The following NLRP5 variants were observed in gnomAD, a reference collection of about 807,000 sequenced individuals.
The protein encoded by NLRP5 is NACHT, LRR and PYD domains-containing protein 5.
A neutral mutation model predicts 113.1 loss-of-function variants in NLRP5; 93 were observed. The ratio of observed to expected loss-of-function variants is 0.82; its 90% CI spans 0.70 to 0.98. The LOEUF is 0.98. Ranked by LOEUF, NLRP5 falls within the 50% of genes least tolerant of loss-of-function variation. The pLI is 0.00. For synonymous variants in NLRP5, 751 were observed against 600.7 expected, an observed-to-expected ratio of 1.25 and a Z score of -3.66; for missense variants, 1,808 against 1,514.3, an observed-to-expected ratio of 1.19 and a Z score of -3.22.
At chr19:55,998,658 A>ATGTATGTGTGTG (rs1555762359), upstream of NLRP5, among the ~76,000 whole-genome samples, 26 of 44,672 alleles carry the variant, frequency 5.8e-4, no homozygotes, top group African/African-American at 2.8e-3. Flanking sequence ...GTCTCAAAAT[A>ATGTATGTGTGTG]TGTGTGTGTG....
intron 5 of NLRP5, among the ~76,000 whole-genome samples, 164 bp downstream of exon 5, chr19:56,019,562 T>C (rs1309281453): frequency 1.3e-5 from 2 of 152,074 alleles, no homozygotes; most frequent in African/African-American, 2.4e-5. Flanking sequence ...ATCAGTACCA[T>C]GGATAGAGCT....
At chr19:56,033,319 G>A (rs941338413) in intron 8 of NLRP5, among the ~76,000 whole-genome samples, 5 of 152,108 alleles carry the variant, frequency 3.3e-5, no homozygotes, top group African/African-American at 9.7e-5. Flanking sequence ...AGGTTTGGAC[G>A]GGTTTGGATG....
At chr19:56,038,987 T>C (rs1195531713) in intron 10 of NLRP5, among the ~76,000 whole-genome samples, 1 of 152,168 alleles carries the variant, frequency 6.6e-6, no homozygotes, top group Non-Finnish European at 1.5e-5. Context: ...ACTTGCTTAC[T>C]GATAACTGAT....
chr19:55,988,771 G>A, the NLRP5 span: 1 of 152,058 alleles, frequency 6.6e-6, no homozygotes, highest in African/African-American at 2.4e-5. Flanking sequence ...ATATAGAAGT[G>A]TTTAGATATG....
chr19:56,050,316 T>G, intron 11 of NLRP5, 102 bp from the exon 12 acceptor site: 1 of 980,244 alleles, frequency 1.0e-6, no homozygotes, highest in Non-Finnish European at 1.5e-6. Context: ...GACCCCACCC[T>G]ACACAGAAGC....
chr19:56,024,403 T>C (rs10419069), intron 6 of NLRP5, among the ~76,000 whole-genome samples: 12,196 of 131,228 alleles, frequency 0.093, 622 homozygotes, highest in South Asian at 0.23. Flanking sequence ...TACATATATG[T>C]ACATATATGT....
chr19:56,058,706 C>T (rs745820194), intron 14 of NLRP5, among the ~76,000 whole-genome samples: 2 of 152,154 alleles, frequency 1.3e-5, no homozygotes, highest in African/African-American at 4.8e-5. Context: ...GCTATATGAT[C>T]CAGCAATCTT....
rs779314544 is a variant in NLRP5, at chr19:56,053,803, A to G, written c.3294A>G (p.Arg1098=). 50 of 1,612,492 alleles carry G rather than the reference A, an allele frequency of 3.1e-5. No homozygotes were observed. The highest frequency in any genetic ancestry group is 3.7e-5 in the Non-Finnish European group (44 of 1,179,214). ...AGCAAAAGAACAGTGTTCTGGCGAG[A>G]CTCGGGTAACTTCCTGGGGCGCCTC... is the stretch of plus-strand genomic sequence containing the variant. Residue 1098 remains arginine (R), a synonymous_variant, in exon 13 of 15, where the codon AGA becomes AGG. Transcript: ENST00000390649.
At position 56,030,801 on chromosome 19, in the gene NLRP5, A is replaced by G. The variant is rs537337355; in HGVS notation, c.2277-1810A>G. 2.4e-4 allele frequency among the ~76,000 whole-genome samples: 33 copies of G among 137,134 alleles called. No individual in the cohort carries two copies. The East Asian group carries it at 5.9e-3, about 25-fold the overall frequency. 90.0% of individuals were successfully genotyped at this position (137,134 alleles called of 152,430 possible). A position where few individuals can be genotyped will look rare whatever the true frequency, so the allele number is the denominator to read the frequency against. ...GCGATCTCAGCTCACTGCAACCTCC[A>G]CCTCCTGGGTTCAAGCGATTCTCCT... On this transcript the variant is annotated intron_variant, in intron 7 of 14. Coordinates refer to ENST00000390649, the MANE Select transcript of NLRP5 (RefSeq NM_153447.4).
intron 4 of NLRP5, 129 bp downstream of exon 4, chr19:56,015,927 G>A: frequency 1.7e-6 from 1 of 604,078 alleles, no homozygotes; most frequent in South Asian, 3.3e-5. Flanking sequence ...TGGTGTGTGA[G>A]TCCCTCTTCC....
At chr19:56,015,874 G>C (rs1208960172) in intron 4 of NLRP5, 76 bp downstream of exon 4, 6 of 1,124,312 alleles carry the variant, frequency 5.3e-6, no homozygotes, top group Non-Finnish European at 7.5e-6. Context: ...TAGTTCAAAG[G>C]ACGGGGAAAT....
At chr19:56,015,205 T>A (rs917319206) in intron 3 of NLRP5, among the ~76,000 whole-genome samples, 6 of 152,186 alleles carry the variant, frequency 3.9e-5, no homozygotes, top group African/African-American at 1.4e-4. Flanking sequence ...TTGTTTTGTT[T>A]GTTTGTTTGT....
chr19:56,028,600 G>A, intron 7 of NLRP5, 91 bp downstream of exon 7: 1 of 1,249,072 alleles, frequency 8.0e-7, no homozygotes, highest in Non-Finnish European at 1.1e-6. Context: ...GAACTTCAAG[G>A]TCCCAGAGAA....
chr19:56,010,878 A>G (rs979071371), intron 3 of NLRP5, among the ~76,000 whole-genome samples: 14 of 151,358 alleles, frequency 9.2e-5, no homozygotes, highest in African/African-American at 3.4e-4. Context: ...GTGGCTGGAC[A>G]CAGTGACTCA....
At chr19:56,043,539 A>ATTATT (rs1568498691) in intron 11 of NLRP5, among the ~76,000 whole-genome samples, 4 of 27,032 alleles carry the variant, frequency 1.5e-4, no homozygotes, top group African/African-American at 5.2e-4. Context: ...TTACTCTGCT[A>ATTATT]TTCTTTTTTT....
At chr19:56,051,182 CT>C (rs1050554491) in intron 12 of NLRP5, among the ~76,000 whole-genome samples, 34 of 151,140 alleles carry the variant, frequency 2.2e-4, no homozygotes, top group African/African-American at 6.6e-4. Context: ...AATGCGTTCT[CT>C]TTTTTTCTTT....
rs199821636 is a variant in NLRP5 at position 56,032,682 on chromosome 19, T to A, written c.2348T>A (p.Leu783Gln). 6.2e-7 allele frequency: 1 copy of A among 1,613,606 alleles called. No individual in the cohort carries two copies. Among genetic ancestry groups the A allele is most frequent in the Non-Finnish European group, 8.5e-7 (1 of 1,179,776 alleles). ...TCCATGCTTGGCACCCACCCACACC[T>A]GCGGCAGCTGGACCTGGGCAGCAGC... Residue 783 changes from leucine to glutamine, a missense_variant, in exon 8 of 15, where the codon CTG (leucine) becomes CAG (glutamine). Coordinates refer to ENST00000390649, the MANE Select transcript of NLRP5 (RefSeq NM_153447.4).
intron 13 of NLRP5, among the ~76,000 whole-genome samples, chr19:56,057,570 G>A (rs1054708117): frequency 1.3e-5 from 2 of 152,134 alleles, no homozygotes; most frequent in Non-Finnish European, 2.9e-5. Flanking sequence ...TTCTTCAGGT[G>A]CAGTGTTGCT....
intron 2 of NLRP5, among the ~76,000 whole-genome samples, chr19:56,007,048 A>T (rs1001461661): frequency 2.6e-5 from 4 of 151,128 alleles, no homozygotes; most frequent in Non-Finnish European, 5.9e-5. Context: ...CTAAAATAAA[A>T]TTTTTTAAAA....
Sources: gnomAD v4.1 joint callset for allele counts (sites outside exome capture counted in the v4.1 genomes callset) on GRCh38, gnomAD v4.1.1 for gene constraint, MANE v1.5 for transcripts, NCBI Gene and HGNC (gene_info 2026-07-23, HGNC 2026-07-21) for gene names.